RBFOX1: variants seen among roughly 807,000 people sequenced by gnomAD.
RBFOX1 encodes the protein RNA binding protein fox-1 homolog 1.
A neutral mutation model predicts 57.7 loss-of-function variants in RBFOX1; 8 were observed. The ratio of observed to expected loss-of-function variants is 0.14; its 90% CI spans 0.08 to 0.25. The LOEUF is 0.25. Among genes scored for constraint, RBFOX1 ranks in the 10% least tolerant of loss-of-function variants. The pLI, the probability that RBFOX1 is intolerant of heterozygous loss-of-function variation, is 1.00. For synonymous variants in RBFOX1, 326 were observed against 222.4 expected (o/e 1.47, Z -4.15); for missense variants, 611 against 548.5 (o/e 1.11, Z -1.14).
At chr16:6,934,264 G>A (rs933145476) in intron 3 of RBFOX1, among the ~76,000 whole-genome samples, 3 of 152,202 alleles carry the variant, frequency 2.0e-5, no homozygotes, top group African/African-American at 7.2e-5. Flanking sequence ...CAGCTCTTCA[G>A]TCTGGACTGA....
chr16:6,999,596 C>T (rs897395352), intron 3 of RBFOX1, among the ~76,000 whole-genome samples: 5 of 152,032 alleles, frequency 3.3e-5, no homozygotes, highest in Admixed American at 2.0e-4. Context: ...CAGCAGATTT[C>T]AACAACTACC....
At chr16:6,071,752 C>CGTG (rs1355236270) in intron 1 of RBFOX1, among the ~76,000 whole-genome samples, 1 of 152,184 alleles carries the variant, frequency 6.6e-6, no homozygotes, top group Non-Finnish European at 1.5e-5. Context: ...GTCCCCTCCC[C>CGTG]GTGGCTCCTG....
intron 3 of RBFOX1, among the ~76,000 whole-genome samples, chr16:6,981,692 C>T (rs1302547520): frequency 1.3e-5 from 2 of 152,144 alleles, no homozygotes; most frequent in Non-Finnish European, 2.9e-5. Flanking sequence ...ATAAAACCAT[C>T]TTGTCACATG....
intron 2 of RBFOX1, among the ~76,000 whole-genome samples, chr16:6,550,080 A>C (rs1264088648): frequency 6.6e-6 from 1 of 152,154 alleles, no homozygotes; most frequent in Admixed American, 6.5e-5. Context: ...AATGCTGTTC[A>C]CTTGTGCCTC....
chr16:7,263,604 G>A (rs1313435541), intron 4 of RBFOX1, among the ~76,000 whole-genome samples: 1 of 152,060 alleles, frequency 6.6e-6, no homozygotes, highest in Non-Finnish European at 1.5e-5. Context: ...GGGGTGATAA[G>A]AGGTAGAAAG....
chr16:7,565,740 G>A (rs1300734517), intron 5 of RBFOX1, among the ~76,000 whole-genome samples: 2 of 152,230 alleles, frequency 1.3e-5, no homozygotes, highest in Non-Finnish European at 2.9e-5. Context: ...TTGATTGGTG[G>A]AGGATGGAGC....
chr16:7,148,463 A>G (rs954890487), intron 4 of RBFOX1, among the ~76,000 whole-genome samples: 5 of 152,228 alleles, frequency 3.3e-5, no homozygotes, highest in African/African-American at 1.2e-4. Flanking sequence ...TTTGCTGTTT[A>G]CATCTCAACT....
chr16:5,923,402 C>A (rs2058869921), intron 4 of RBFOX1, among the ~76,000 whole-genome samples: 1 of 151,954 alleles, frequency 6.6e-6, no homozygotes, highest in Non-Finnish European at 1.5e-5. Context: ...ATAATGAGGG[C>A]CTTCAGGATT....
At chr16:5,981,853 G>A (rs7188583) in intron 4 of RBFOX1, among the ~76,000 whole-genome samples, 94,667 of 152,126 alleles carry the variant, frequency 0.62, 30,869 homozygotes, top group East Asian at 0.83. Context: ...TTGGCTGTCA[G>A]AATAGGGGAG....
chr16:5,554,811 CATTT>C (rs1340888368), intron 2 of RBFOX1, among the ~76,000 whole-genome samples: 1 of 152,170 alleles, frequency 6.6e-6, no homozygotes, highest in Non-Finnish European at 1.5e-5. Flanking sequence ...TTAATTAATT[CATTT>C]GTCTTTTTTC....
intron 2 of RBFOX1, among the ~76,000 whole-genome samples, chr16:6,513,432 TA>T (rs1323928728): frequency 1.3e-5 from 2 of 152,100 alleles, no homozygotes; most frequent in Non-Finnish European, 2.9e-5. Flanking sequence ...TGACTCTGTG[TA>T]AAAGTTTGGA....
chr16:7,244,707 C>A (rs922717479), intron 4 of RBFOX1, among the ~76,000 whole-genome samples: 1 of 152,188 alleles, frequency 6.6e-6, no homozygotes, highest in Non-Finnish European at 1.5e-5. Flanking sequence ...CACTGACTTT[C>A]TTCCAATATT....
At position 7,484,428 on chromosome 16, in the gene RBFOX1, G is replaced by T. The variant is rs1280861521; in HGVS notation, c.28-33719G>T. ...ATTATTGTTGTTATCCAAAGTGGCT[G>T]TGCCATTTTGCTTTTCCACTGGCAT... On this transcript the variant is annotated intron_variant, in intron 4 of 15. Transcript: ENST00000550418. 2.0e-5 allele frequency among the ~76,000 whole-genome samples: 3 copies of T among 152,118 alleles called. No individual in the cohort carries two copies. In the South Asian group the frequency reaches 6.2e-4, roughly 32 times the overall value.
At chr16:6,370,872 A>T (rs1396526423) in intron 2 of RBFOX1, among the ~76,000 whole-genome samples, 2 of 152,214 alleles carry the variant, frequency 1.3e-5, no homozygotes. Context: ...TTTACAAGAG[A>T]GTGGGTCCTC....
intron 2 of RBFOX1, among the ~76,000 whole-genome samples, chr16:6,317,821 C>G (rs940037123): frequency 1.3e-5 from 2 of 152,074 alleles, no homozygotes; most frequent in Admixed American, 6.6e-5. Flanking sequence ...AAGAAGAAAT[C>G]TGTAATAATT....
intron 1 of RBFOX1, among the ~76,000 whole-genome samples, chr16:6,121,475 G>A (rs1043721426): frequency 1.8e-4 from 27 of 152,138 alleles, no homozygotes; most frequent in Admixed American, 1.1e-3. Context: ...GCCACTGCCC[G>A]TACCCAGTAC....
chr16:6,591,227 C>G (rs1463403894), intron 2 of RBFOX1, among the ~76,000 whole-genome samples: 2 of 152,166 alleles, frequency 1.3e-5, no homozygotes, highest in African/African-American at 4.8e-5. Flanking sequence ...GGGTGGATCA[C>G]TTGAGGCCAG....
chr16:6,385,420 C>T (rs1218731981), intron 2 of RBFOX1, among the ~76,000 whole-genome samples: 6 of 152,134 alleles, frequency 3.9e-5, no homozygotes, highest in Admixed American at 1.3e-4. Flanking sequence ...AGTGCAGTGC[C>T]GCCATCTTGG....
intron 3 of RBFOX1, among the ~76,000 whole-genome samples, chr16:5,641,084 C>G (rs748318977): frequency 6.6e-6 from 1 of 151,450 alleles, no homozygotes; most frequent in African/African-American, 2.4e-5. Context: ...CACACACACA[C>G]ATGCACACCA....
Sources: allele counts gnomAD v4.1 joint callset (sites outside exome capture counted in the v4.1 genomes callset), GRCh38; gene constraint gnomAD v4.1.1; transcripts MANE v1.5; gene names NCBI Gene and HGNC (gene_info 2026-07-23, HGNC 2026-07-21).